The following PCDHA11 variants were observed in gnomAD, a reference collection of about 807,000 sequenced individuals.
PCDHA11 encodes the protein protocadherin alpha 11.
A neutral mutation model predicts 70.3 loss-of-function variants in PCDHA11; 61 were observed. The observed-to-expected ratio is 0.87, with a 90% CI of 0.71 to 1.07. The LOEUF (loss-of-function observed/expected upper bound fraction) is 1.07, where lower values mean the gene tolerates loss of function less well. Among genes scored for constraint, PCDHA11 ranks in the 50% least tolerant of loss-of-function variants. PCDHA11 has a pLI of 0.00. For missense variants in PCDHA11, 1,324 were observed against 1,237.5 expected, an observed-to-expected ratio of 1.07 and a Z score of -1.05; for synonymous variants, 633 against 555.1, an observed-to-expected ratio of 1.14 and a Z score of -1.97.
rs1464673358 is a variant in PCDHA11 at position 140,894,228 on chromosome 5, A to T, written c.2391+22734A>T. 2.6e-5 allele frequency among the ~76,000 whole-genome samples: 4 copies of T among 152,088 alleles called. No homozygotes were observed. In the South Asian group the frequency reaches 8.3e-4, roughly 31 times the overall value. ...TTATATTCTCATTTTAAAGATGTTG[A>T]ATGACAATGTAATTTTCTTTTCTTT... is the stretch of plus-strand genomic sequence containing the variant. On this transcript the variant is annotated intron_variant, in intron 1 of 3. Transcript: ENST00000398640.
At chr5:140,894,403 T>C (rs1442623931) in intron 1 of PCDHA11, among the ~76,000 whole-genome samples, 3 of 152,046 alleles carry the variant, frequency 2.0e-5, no homozygotes, top group Non-Finnish European at 4.4e-5. Context: ...TTCTTTGCTT[T>C]TCTTTTGTAG....
chr5:140,967,565 C>A, intron 1 of PCDHA11: 1 of 1,614,080 alleles, frequency 6.2e-7, no homozygotes, highest in Non-Finnish European at 8.5e-7. Context: ...CGTCCAGCTA[C>A]GGGAGGACTC....
chr5:140,929,437 A>G (rs533186503), intron 1 of PCDHA11: 1 of 1,453,986 alleles, frequency 6.9e-7, no homozygotes, highest in Non-Finnish European at 9.2e-7. Context: ...TGAACTAAAC[A>G]CTCCTTCTTA....
Position 140,960,269 on chromosome 5 carries a change from G to A in PCDHA11, c.2392-18680G>A, listed in dbSNP as rs148980300. On this transcript the variant is annotated intron_variant, in intron 1 of 3. Transcript: ENST00000398640. ...CTTCCTGGAGCTTCTGATAAATTCC[G>A]TCACCTTTTTGGGACCCAGTTTCTT... is the stretch of plus-strand genomic sequence containing the variant. Among the ~76,000 whole-genome samples, 355 of 152,162 alleles carry A rather than the reference G, an allele frequency of 2.3e-3. 1 individual carries two copies. The highest frequency in any genetic ancestry group is 7.0e-3 in the African/African-American group (290 of 41,548).
In PCDHA11 at chr5:140,870,397, C is replaced by T. The variant is rs1554164199; in HGVS notation, c.1294C>T (p.Pro432Ser). Residue 432 changes from proline to serine, a missense_variant, in exon 1 of 4, where the codon CCT becomes TCT. Pro to Ser is a moderately conservative substitution (Grantham distance 74, BLOSUM62 -1). Coordinates refer to ENST00000398640, the MANE Select transcript of PCDHA11 (RefSeq NM_018902.5). ...GGTGACTGCGCGGGATGGGGGTTCG[C>T]CTTCTCTGTGGGCCACGGCCAGGGT... ...LVVTARDGGSPSLWATARVSV... is the reference protein window; with the variant it reads ...LVVTARDGGSSSLWATARVSV... 2 of 1,614,230 alleles carry T rather than the reference C, an allele frequency of 1.2e-6. No individual in the cohort carries two copies. The highest frequency in any genetic ancestry group is 1.1e-5 in the South Asian group (1 of 91,086).
rs1412384009 is a variant in PCDHA11 at position 140,871,250 on chromosome 5, T to G, written c.2147T>G (p.Leu716Arg). ...AGCCTCCTGGTACTCACGCTGCTGC[T>G]GTATACGGCGCTGTGGTGGTCGGCA... ...VSSLLVLTLL[L>R]YTALWWSATP... The change falls in exon 1 of 4, where the codon CTG becomes CGG. Residue 716 changes from leucine to arginine, a missense_variant. Coordinates refer to ENST00000398640, the MANE Select transcript of PCDHA11 (RefSeq NM_018902.5). 3 of 1,613,976 alleles carry G rather than the reference T, an allele frequency of 1.9e-6. No homozygotes were observed. The highest frequency in any genetic ancestry group is 2.5e-6 in the Non-Finnish European group (3 of 1,179,952).
In PCDHA11 at chr5:140,900,299, G is replaced by T. The variant is rs1042472528; in HGVS notation, c.2391+28805G>T. ...CCACACTTTCTTTTCTGTTTTTTTA[G>T]ACAGTCTCACTTTTGTCGCCCAGGC... On this transcript the variant is annotated intron_variant, in intron 1 of 3. Coordinates refer to ENST00000398640, the MANE Select transcript of PCDHA11 (RefSeq NM_018902.5). 2.0e-5 allele frequency among the ~76,000 whole-genome samples: 3 copies of T among 151,604 alleles called. No homozygotes were observed. The East Asian group carries it at 5.8e-4, about 29-fold the overall frequency.
intron 2 of PCDHA11, 35 bp from the exon 3 acceptor site, chr5:140,982,440 A>C: frequency 6.2e-6 from 10 of 1,613,042 alleles, no homozygotes; most frequent in Non-Finnish European, 8.5e-6. Context: ...AGAATTTATG[A>C]TCTAACCGTT....
At chr5:140,966,885 C>G in intron 1 of PCDHA11, 1 of 1,590,818 alleles carries the variant, frequency 6.3e-7, no homozygotes, top group Non-Finnish European at 8.5e-7. Flanking sequence ...CCTGGCCCTG[C>G]GGCCTCCCAG....
chr5:140,883,722 A>G (rs1249317360), intron 1 of PCDHA11: 1 of 1,613,546 alleles, frequency 6.2e-7, no homozygotes, highest in Non-Finnish European at 8.5e-7. Context: ...GCGGACGCAC[A>G]GGAGAACGCG....
In PCDHA11 at chr5:140,869,946, A is replaced by G. The variant is rs557838493; in HGVS notation, c.843A>G (p.Leu281=). 13 of 1,612,442 alleles carry G rather than the reference A, an allele frequency of 8.1e-6. No individual in the cohort carries two copies. In the African/African-American group the frequency reaches 9.3e-5, roughly 12 times the overall value. ...EGVNGEVTYS[L]MSIKPNGRHL... ...TCAATGGAGAGGTAACATACTCCTTAATGTCAATTAAGCCCAATGGAAGAC... is the reference window on the plus strand; with the variant it reads ...TCAATGGAGAGGTAACATACTCCTTGATGTCAATTAAGCCCAATGGAAGAC... Residue 281 remains leucine (L), a synonymous_variant, in exon 1 of 4, where the codon TTA becomes TTG. Transcript: ENST00000398640.
intron 1 of PCDHA11, among the ~76,000 whole-genome samples, chr5:140,925,455 T>C (rs1367623051): frequency 6.6e-6 from 1 of 152,106 alleles, no homozygotes; most frequent in Non-Finnish European, 1.5e-5. Flanking sequence ...GGTGTATCTG[T>C]TGTGGCTCAG....
At position 140,946,093 on chromosome 5, in the gene PCDHA11, T is replaced by A. The variant is rs1171535500; in HGVS notation, c.2392-32856T>A. Among the ~76,000 whole-genome samples, 4 of 151,584 alleles carry A rather than the reference T, an allele frequency of 2.6e-5. No homozygotes were observed. In the East Asian group the frequency reaches 7.7e-4, roughly 29 times the overall value. ...TGCAAACCACAGATCTGATAAGGAG[T>A]TAACATACCAAATATATAAGGAACT... is the stretch of plus-strand genomic sequence containing the variant. On this transcript the variant is annotated intron_variant, in intron 1 of 3. Transcript: ENST00000398640.
intron 1 of PCDHA11, chr5:140,877,048 G>C (rs376952553): frequency 1.2e-5 from 19 of 1,612,558 alleles, no homozygotes; most frequent in African/African-American, 2.7e-5. Flanking sequence ...GCTAGACCAC[G>C]AGGAGCTGGA....
chr5:141,002,918 GAACACCCTCC>G (rs1554258833), intron 3 of PCDHA11, among the ~76,000 whole-genome samples: 1 of 152,192 alleles, frequency 6.6e-6, no homozygotes, highest in Non-Finnish European at 1.5e-5. Flanking sequence ...TCAGAAAAGT[GAACACCCTCC>G]AACACCCTCC....
chr5:140,984,478 A>G (rs1374350616), intron 3 of PCDHA11, among the ~76,000 whole-genome samples: 1 of 152,078 alleles, frequency 6.6e-6, no homozygotes, highest in Non-Finnish European at 1.5e-5. Flanking sequence ...TGTATAACCC[A>G]TTTTATCCAG....
At chr5:140,998,122 A>G (rs2097797315) in intron 3 of PCDHA11, among the ~76,000 whole-genome samples, 1 of 152,214 alleles carries the variant, frequency 6.6e-6, no homozygotes, top group Admixed American at 6.5e-5. Flanking sequence ...TTACTTGTGA[A>G]TCATAATAGC....
At chr5:140,925,955 G>T (rs1350124934) in intron 1 of PCDHA11, among the ~76,000 whole-genome samples, 1 of 152,076 alleles carries the variant, frequency 6.6e-6, no homozygotes. Context: ...AGGAGAAACT[G>T]CTATCACGCA....
intron 1 of PCDHA11, among the ~76,000 whole-genome samples, chr5:140,898,648 G>A (rs1436511217): frequency 6.6e-6 from 1 of 152,136 alleles, no homozygotes; most frequent in Non-Finnish European, 1.5e-5. Flanking sequence ...TGTTCTTTTG[G>A]CTTAGGATTG....
Sources: allele counts gnomAD v4.1 joint callset (sites outside exome capture counted in the v4.1 genomes callset), GRCh38; gene constraint gnomAD v4.1.1; transcripts MANE v1.5; gene names NCBI Gene and HGNC (gene_info 2026-07-23, HGNC 2026-07-21).